The following MLLT3 variants were observed in gnomAD, a reference collection of about 807,000 sequenced individuals.
MLLT3 encodes the protein MLLT3 super elongation complex subunit.
In MLLT3, 4 loss-of-function variants were observed where a neutral mutation model predicts 53.2. The ratio of observed to expected loss-of-function variants is 0.08; its 90% CI spans 0.04 to 0.17. MLLT3 has a LOEUF of 0.17. Ranked by LOEUF, MLLT3 falls within the 10% of genes least tolerant of loss-of-function variation. MLLT3 has a pLI of 1.00. For missense variants in MLLT3, 569 were observed against 684.0 expected (o/e 0.83, Z 1.87); for synonymous variants, 283 against 230.6 (o/e 1.23, Z -2.06).
At chr9:20,407,394 C>A (rs1822609556) in intron 5 of MLLT3, among the ~76,000 whole-genome samples, 1 of 152,176 alleles carries the variant, frequency 6.6e-6, no homozygotes, top group Non-Finnish European at 1.5e-5. Context: ...GCTAGAGGCT[C>A]CTGGATGTTT....
intron 2 of MLLT3, among the ~76,000 whole-genome samples, chr9:20,617,205 T>C (rs1221059801): frequency 1.3e-5 from 2 of 152,184 alleles, no homozygotes; most frequent in Admixed American, 6.5e-5. Context: ...ATATACCAGA[T>C]GCACACAACG....
chr9:20,557,189 A>T (rs1330486617), intron 2 of MLLT3, among the ~76,000 whole-genome samples: 1 of 151,954 alleles, frequency 6.6e-6, no homozygotes, highest in Non-Finnish European at 1.5e-5. Context: ...AAATTCCACC[A>T]TTCTTCCTTA....
chr9:20,595,120 G>A (rs900764113), intron 2 of MLLT3, among the ~76,000 whole-genome samples: 2 of 152,078 alleles, frequency 1.3e-5, no homozygotes, highest in African/African-American at 4.8e-5. Context: ...ACTTTGAGAG[G>A]CCAATTCGGG....
At chr9:20,606,782 C>T (rs902518709) in intron 2 of MLLT3, among the ~76,000 whole-genome samples, 16 of 152,064 alleles carry the variant, frequency 1.1e-4, no homozygotes, top group Admixed American at 4.6e-4. Context: ...TCCAGGCCTG[C>T]CCCATTTCCC....
chr9:20,481,314 G>C (rs768804986), intron 2 of MLLT3, among the ~76,000 whole-genome samples: 3 of 152,100 alleles, frequency 2.0e-5, no homozygotes, highest in African/African-American at 7.2e-5. Flanking sequence ...TTAATTTCCC[G>C]ATCGCTGTCA....
intron 2 of MLLT3, among the ~76,000 whole-genome samples, chr9:20,475,075 C>CTGAA (rs965515075): frequency 6.6e-6 from 1 of 151,966 alleles, no homozygotes; most frequent in African/African-American, 2.4e-5. Context: ...GGGGTGGGAA[C>CTGAA]TGAATGAATG....
chr9:20,386,127 AG>A (rs1457482307), intron 5 of MLLT3, among the ~76,000 whole-genome samples: 2 of 152,188 alleles, frequency 1.3e-5, no homozygotes, highest in Non-Finnish European at 2.9e-5. Flanking sequence ...TTTGGTTAAC[AG>A]GGTCCAAAAA....
At chr9:20,415,789 A>G (rs908997542) in intron 4 of MLLT3, among the ~76,000 whole-genome samples, 1 of 152,084 alleles carries the variant, frequency 6.6e-6, no homozygotes, top group Non-Finnish European at 1.5e-5. Flanking sequence ...AAAAATATAT[A>G]TATAGGTACA....
chr9:20,420,524 A>AT (rs1380394713), intron 4 of MLLT3, among the ~76,000 whole-genome samples: 2 of 152,232 alleles, frequency 1.3e-5, no homozygotes, highest in Non-Finnish European at 1.5e-5. Flanking sequence ...AATCTAAATT[A>AT]TATAAAGCAA....
chr9:20,587,934 G>A (rs1193568628), intron 2 of MLLT3, among the ~76,000 whole-genome samples: 1 of 151,900 alleles, frequency 6.6e-6, no homozygotes, highest in South Asian at 2.1e-4. Flanking sequence ...TGTCCTGAAT[G>A]GTAATGCCTA....
intron 2 of MLLT3, among the ~76,000 whole-genome samples, chr9:20,534,625 A>T (rs1336475083): frequency 2.0e-5 from 3 of 152,218 alleles, no homozygotes; most frequent in Admixed American, 6.5e-5. Flanking sequence ...GTAGTGGCTC[A>T]CACCTGTAAT....
chr9:20,609,454 A>AT (rs1360131867), intron 2 of MLLT3, among the ~76,000 whole-genome samples: 1 of 152,118 alleles, frequency 6.6e-6, no homozygotes, highest in Non-Finnish European at 1.5e-5. Context: ...GTCCTCAATT[A>AT]TTACTCTATT....
chr9:20,433,881 G>A (rs376711603), intron 4 of MLLT3, among the ~76,000 whole-genome samples: 8 of 151,718 alleles, frequency 5.3e-5, no homozygotes, highest in Non-Finnish European at 1.2e-4. Flanking sequence ...TTGGAAGGCC[G>A]AGGTGAGCAG....
chr9:20,453,077 C>G (rs1488525873), intron 3 of MLLT3, among the ~76,000 whole-genome samples: 1 of 152,038 alleles, frequency 6.6e-6, no homozygotes, highest in Non-Finnish European at 1.5e-5. Context: ...GCTCAGAGAC[C>G]TAGATCAGAC....
intron 2 of MLLT3, among the ~76,000 whole-genome samples, chr9:20,560,953 A>C (rs1015994512): frequency 1.3e-5 from 2 of 152,168 alleles, no homozygotes; most frequent in Non-Finnish European, 2.9e-5. Context: ...ACCTCGAAAT[A>C]TTTGAAATAT....
At chr9:20,586,925 G>C (rs564699850) in intron 2 of MLLT3, among the ~76,000 whole-genome samples, 93 of 151,940 alleles carry the variant, frequency 6.1e-4, no homozygotes, top group African/African-American at 2.2e-3. Flanking sequence ...TTTTAAAAAT[G>C]AAATGAAACC....
chr9:20,500,367 T>A (rs950449004), intron 2 of MLLT3, among the ~76,000 whole-genome samples: 11 of 152,192 alleles, frequency 7.2e-5, no homozygotes, highest in Non-Finnish European at 1.2e-4. Context: ...GAAAGGAGCA[T>A]CACCTTTTCT....
intron 7 of MLLT3, 51 bp downstream of exon 7, chr9:20,363,425 G>C: frequency 2.5e-6 from 4 of 1,603,208 alleles, no homozygotes; most frequent in Non-Finnish European, 2.6e-6. Context: ...CAGGGCTTGT[G>C]AAAGAGTCTG....
At chr9:20,527,307 T>A (rs1428891121) in intron 2 of MLLT3, among the ~76,000 whole-genome samples, 2 of 152,152 alleles carry the variant, frequency 1.3e-5, no homozygotes, top group Non-Finnish European at 2.9e-5. Context: ...AAAATTCAAC[T>A]CAGAATGAGC....
Sources: gnomAD v4.1 joint callset for allele counts (sites outside exome capture counted in the v4.1 genomes callset) on GRCh38, gnomAD v4.1.1 for gene constraint, MANE v1.5 for transcripts, NCBI Gene and HGNC (gene_info 2026-07-23, HGNC 2026-07-21) for gene names.